TCF12: variants seen among roughly 807,000 people sequenced by gnomAD.
The protein encoded by TCF12 is DNA-binding protein HTF4.
Under a neutral mutation model 86.0 loss-of-function variants are expected in TCF12, and 45 were observed. That is an observed-to-expected ratio of 0.52 (90% CI 0.41 to 0.67). TCF12 has a LOEUF of 0.67. TCF12 is among the 30% of genes least tolerant of loss of function. TCF12 has a pLI of 0.00. For missense variants in TCF12, 881 were observed against 859.9 expected (o/e 1.02, Z -0.31); for synonymous variants, 330 against 299.6 (o/e 1.10, Z -1.05).
At position 57,232,441 on chromosome 15, in the gene TCF12, A is replaced by G; in HGVS notation, c.825+11A>G. On this transcript the variant is annotated intron_variant, in intron 10 of 20. Transcript: ENST00000333725. ...TCACATGACCGCTTGGTAGGCTATAACACGTGACTAGGGTACAGCAACACT... is the reference window on the plus strand; with the variant it reads ...TCACATGACCGCTTGGTAGGCTATAGCACGTGACTAGGGTACAGCAACACT... 6.3e-7 allele frequency: 1 copy of G among 1,593,998 alleles called. No individual in the cohort carries two copies. Among genetic ancestry groups the G allele is most frequent in the Non-Finnish European group, 8.5e-7 (1 of 1,173,364 alleles).
chr15:57,179,928 T>G (rs2056220228), intron 6 of TCF12, among the ~76,000 whole-genome samples: 2 of 152,212 alleles, frequency 1.3e-5, no homozygotes, highest in African/African-American at 4.8e-5. Flanking sequence ...TAATGTCTCA[T>G]TTTCTGCCAG....
intron 5 of TCF12, chr15:57,109,267 T>C (rs553160421): frequency 6.6e-6 from 1 of 152,240 alleles, no homozygotes; most frequent in South Asian, 2.1e-4. Context: ...CCTCAGTGTG[T>C]GGAGTCTGCT....
intron 3 of TCF12, among the ~76,000 whole-genome samples, chr15:56,945,964 A>C (rs550264296): frequency 6.6e-6 from 1 of 152,180 alleles, no homozygotes; most frequent in African/African-American, 2.4e-5. Flanking sequence ...TAGCTACAGC[A>C]TGAAGGCCCT....
chr15:56,936,301 G>T (rs958977093), intron 3 of TCF12, among the ~76,000 whole-genome samples: 8 of 152,076 alleles, frequency 5.3e-5, no homozygotes, highest in Non-Finnish European at 8.8e-5. Flanking sequence ...GTCTATTCAT[G>T]TCCTTAGCCT....
chr15:57,077,420 G>A (rs1272272376), intron 4 of TCF12, among the ~76,000 whole-genome samples: 1 of 144,710 alleles, frequency 6.9e-6, no homozygotes, highest in African/African-American at 2.6e-5. Flanking sequence ...TGGCGCCCAG[G>A]CTGGAGTGCA....
chr15:56,993,565 A>G (rs1445178221), intron 3 of TCF12, among the ~76,000 whole-genome samples: 2 of 152,214 alleles, frequency 1.3e-5, no homozygotes, highest in African/African-American at 2.4e-5. Context: ...TGGAAAAGCA[A>G]TACCATAAAG....
intron 3 of TCF12, among the ~76,000 whole-genome samples, chr15:56,983,890 T>C (rs2063016910): frequency 6.6e-6 from 1 of 150,828 alleles, no homozygotes; most frequent in Non-Finnish European, 1.5e-5. Context: ...TCATCCCAGT[T>C]ACTTGGGAGG....
Position 57,192,215 on chromosome 15 carries a change from G to A in TCF12, c.448G>A (p.Gly150Arg), listed in dbSNP as rs1295037055. The change falls in exon 7 of 21, where the codon GGA (glycine) becomes AGA (arginine). Residue 150 changes from glycine to arginine, a missense_variant. This residue lies in a region of TCF12 where 766 missense variants were observed against 718.9 expected (regional missense o/e 1.07). Coordinates refer to ENST00000333725, the MANE Select transcript of TCF12 (RefSeq NM_207037.2). ...LGSPAQLSSSGKPGTAYYSFS... is the reference protein window; with the variant it reads ...LGSPAQLSSSRKPGTAYYSFS... ...GAGCCCAGCACAGCTATCTTCTTCA[G>A]GAAAACCTGGGACAGCATACTATTC... 1.9e-6 allele frequency: 3 copies of A among 1,613,994 alleles called. No individual in the cohort carries two copies. Among genetic ancestry groups the A allele is most frequent in the Non-Finnish European group, 2.5e-6 (3 of 1,180,012 alleles).
Position 57,247,106 on chromosome 15 carries a change from A to AC in TCF12, c.1114+3558dup, listed in dbSNP as rs1263195699. On this transcript the variant is annotated intron_variant, in intron 13 of 20. Coordinates refer to ENST00000333725, the MANE Select transcript of TCF12 (RefSeq NM_207037.2). ...CGAACTCATTATAGTTCCCACCACC[A>AC]CCGTAGTTACCACCGCCAAAATTTC... 1.8e-5 allele frequency: 10 copies of AC among 570,060 alleles called. No individual in the cohort carries two copies. The Admixed American group carries it at 2.1e-4, about 12-fold the overall frequency. 35.3% of individuals were successfully genotyped at this position (570,060 alleles called of 1,614,324 possible). A position where few individuals can be genotyped will look rare whatever the true frequency, so the allele number is the denominator to read the frequency against.
chr15:57,162,181 T>C lies in TCF12; in HGVS notation c.326-4221T>C, dbSNP rs1250773114. On this transcript the variant is annotated intron_variant, in intron 5 of 20. Transcript: ENST00000333725. ...CATTACTAGTAGTTCTTAAACTGTT[T>C]TCAGCTGAAGTTGACTGGTTAAAAT... is the stretch of plus-strand genomic sequence containing the variant. Among the ~76,000 whole-genome samples, 10 of 152,278 alleles carry C rather than the reference T, an allele frequency of 6.6e-5. No individual in the cohort carries two copies. The South Asian group carries it at 8.3e-4, about 13-fold the overall frequency.
intron 5 of TCF12, among the ~76,000 whole-genome samples, chr15:57,094,391 A>G (rs1470399688): frequency 1.3e-5 from 2 of 152,222 alleles, no homozygotes; most frequent in African/African-American, 4.8e-5. Context: ...AGTGTAAACA[A>G]TCTGCACGAC....
At chr15:56,979,729 T>G (rs2062794027) in intron 3 of TCF12, among the ~76,000 whole-genome samples, 3 of 152,220 alleles carry the variant, frequency 2.0e-5, no homozygotes, top group Non-Finnish European at 4.4e-5. Context: ...TGTTCTTTAT[T>G]TGGTCACTTG....
In TCF12 at chr15:57,208,389, T is replaced by TTTTTTTTTC. The variant is rs1555395451; in HGVS notation, c.579+10572_579+10573insCTTTTTTTT. On this transcript the variant is annotated intron_variant, in intron 8 of 20. Transcript: ENST00000333725. ...TTTGGACAAAAATATCCTTTTTTTTTTTTTTTTTTTGGAGACAGAGTCTCA... is the reference window on the plus strand; with the variant it reads ...TTTGGACAAAAATATCCTTTTTTTTTTTTTTTTTCTTTTTTTTTTGGAGACAGAGTCTCA... 5.5e-3 allele frequency among the ~76,000 whole-genome samples: 599 copies of TTTTTTTTTC among 108,116 alleles called. 43 individuals are homozygous for TTTTTTTTTC. Among genetic ancestry groups the TTTTTTTTTC allele is most frequent in the African/African-American group, 0.018 (455 of 25,008 alleles). 70.9% of individuals were successfully genotyped at this position (108,116 alleles called of 152,430 possible). A position where few individuals can be genotyped will look rare whatever the true frequency, so the allele number is the denominator to read the frequency against.
chr15:57,249,830 G>A, intron 13 of TCF12, among the ~76,000 whole-genome samples: 1 of 152,164 alleles, frequency 6.6e-6, no homozygotes, highest in East Asian at 1.9e-4. Flanking sequence ...AATATATTTA[G>A]TCTTTATTAT....
chr15:56,919,202 C>G (rs897867812), intron 1 of TCF12: 1 of 151,898 alleles, frequency 6.6e-6, no homozygotes, highest in African/African-American at 2.4e-5. Flanking sequence ...CGGCTTCGGC[C>G]GCGGAGCCAG....
At chr15:57,059,674 G>T (rs2068304070) in intron 3 of TCF12, among the ~76,000 whole-genome samples, 1 of 116,370 alleles carries the variant, frequency 8.6e-6, no homozygotes, top group Admixed American at 1.2e-4. Context: ...TTTAATGATG[G>T]TTTACTTACT....
chr15:57,058,628 C>T (rs2068211798), intron 3 of TCF12, among the ~76,000 whole-genome samples: 1 of 152,050 alleles, frequency 6.6e-6, no homozygotes, highest in African/African-American at 2.4e-5. Flanking sequence ...TGCACAGAAC[C>T]TAAATTTTTT....
At chr15:57,067,315 C>T (rs866609359) in intron 4 of TCF12, among the ~76,000 whole-genome samples, 6 of 151,700 alleles carry the variant, frequency 4.0e-5, no homozygotes, top group East Asian at 1.9e-4. Context: ...CCGAGGCGGG[C>T]GGATCACGAG....
chr15:56,946,547 T>C (rs2061005228), intron 3 of TCF12, among the ~76,000 whole-genome samples: 1 of 152,168 alleles, frequency 6.6e-6, no homozygotes, highest in Admixed American at 6.5e-5. Context: ...CACCTTTTTA[T>C]TCTGGGCCTA....
Sources: allele counts gnomAD v4.1 joint callset (sites outside exome capture counted in the v4.1 genomes callset), GRCh38; gene constraint gnomAD v4.1.1; regional missense constraint gnomAD v4.1.1; transcripts MANE v1.5; gene names NCBI Gene and HGNC (gene_info 2026-07-23, HGNC 2026-07-21).